Variants in FLT1 observed in about 807,000 individuals in gnomAD.
FLT1 encodes fms related receptor tyrosine kinase 1, also known as vascular endothelial growth factor receptor 1.
A neutral mutation model predicts 156.3 loss-of-function variants in FLT1; 49 were observed. The ratio of observed to expected loss-of-function variants is 0.31; its 90% confidence interval spans 0.25 to 0.40. The LOEUF (loss-of-function observed/expected upper bound fraction) is 0.40. Ranked by LOEUF, FLT1 falls within the 10% of genes least tolerant of loss-of-function variation. The pLI, the probability that FLT1 is intolerant of heterozygous loss-of-function variation, is 1.00. For synonymous variants in FLT1, 594 were observed against 583.8 expected (o/e 1.02, Z -0.25); for missense variants, 1,322 against 1,637.2 (o/e 0.81, Z 3.32).
At chr13:28,357,086 G>C (rs1872924157) in intron 15 of FLT1, among the ~76,000 whole-genome samples, 1 of 152,178 alleles carries the variant, frequency 6.6e-6, no homozygotes, top group Non-Finnish European at 1.5e-5. Context: ...TTAAAAGCCA[G>C]CTTATAAAAG....
At chr13:28,364,624 A>T (rs1873222591) in intron 14 of FLT1, among the ~76,000 whole-genome samples, 2 of 152,094 alleles carry the variant, frequency 1.3e-5, no homozygotes, top group African/African-American at 4.8e-5. Context: ...TGAAGTAAGG[A>T]CCTAATTTTT....
chr13:28,385,609 G>A (rs578052474), intron 13 of FLT1: 4 of 1,015,088 alleles, frequency 3.9e-6, no homozygotes, highest in East Asian at 1.4e-4. Context: ...CCAAATGCAA[G>A]CAACCAAAGA....
intron 10 of FLT1, among the ~76,000 whole-genome samples, chr13:28,420,792 T>G (rs924251853): frequency 6.6e-6 from 1 of 152,212 alleles, no homozygotes; most frequent in Non-Finnish European, 1.5e-5. Context: ...CCTGTTAATT[T>G]TACATACCCC....
intron 2 of FLT1, among the ~76,000 whole-genome samples, 189 bp downstream of exon 2, chr13:28,467,332 C>G (rs1161252693): frequency 6.6e-6 from 1 of 152,056 alleles, no homozygotes; most frequent in African/African-American, 2.4e-5. Flanking sequence ...CATCCCTTCC[C>G]CCATTTCCCT....
intron 3 of FLT1, among the ~76,000 whole-genome samples, chr13:28,460,992 T>C (rs1335058622): frequency 1.3e-5 from 2 of 152,156 alleles, no homozygotes; most frequent in Non-Finnish European, 2.9e-5. Flanking sequence ...AGACAGGGTT[T>C]CACTACGTTG....
chr13:28,487,727 G>T (rs1021679884), intron 1 of FLT1, among the ~76,000 whole-genome samples: 1 of 152,124 alleles, frequency 6.6e-6, no homozygotes, highest in Non-Finnish European at 1.5e-5. Context: ...AATTCTGCAG[G>T]ATACTTACCG....
At chr13:28,443,833 C>T (rs180852797) in intron 3 of FLT1, among the ~76,000 whole-genome samples, 1 of 152,300 alleles carries the variant, frequency 6.6e-6, no homozygotes, top group Non-Finnish European at 1.5e-5. Context: ...CCATGACTTA[C>T]ACTGCCTATC....
chr13:28,433,113 G>C (rs2137550386), intron 6 of FLT1, among the ~76,000 whole-genome samples: 1 of 152,306 alleles, frequency 6.6e-6, no homozygotes, highest in South Asian at 2.1e-4. Flanking sequence ...ACAAATGATT[G>C]TACTTGAGAT....
intron 10 of FLT1, among the ~76,000 whole-genome samples, chr13:28,412,264 T>C (rs1025188889): frequency 6.6e-6 from 1 of 152,210 alleles, no homozygotes; most frequent in Non-Finnish European, 1.5e-5. Context: ...ATTAACAGAA[T>C]CTGCAAACAC....
chr13:28,388,195 C>A, intron 13 of FLT1: 5 of 1,057,910 alleles, frequency 4.7e-6, no homozygotes, highest in Non-Finnish European at 5.7e-6. Flanking sequence ...GGGCTGACAA[C>A]TTCCAGGTTA....
intron 1 of FLT1, among the ~76,000 whole-genome samples, chr13:28,473,671 AAGAGAGAG>A (rs1227557664): frequency 2.3e-4 from 27 of 118,358 alleles, no homozygotes; most frequent in African/African-American, 9.8e-4. Flanking sequence ...GAAAGAAAGA[AAGAGAGAG>A]AGAGAGAGAG....
chr13:28,382,502 C>A (rs1481766717), intron 14 of FLT1, among the ~76,000 whole-genome samples: 1 of 152,090 alleles, frequency 6.6e-6, no homozygotes, highest in Non-Finnish European at 1.5e-5. Flanking sequence ...GAGTTGGAGC[C>A]GGTGGAAGAC....
At chr13:28,480,636 C>T (rs975513623) in intron 1 of FLT1, among the ~76,000 whole-genome samples, 2 of 152,234 alleles carry the variant, frequency 1.3e-5, no homozygotes, top group African/African-American at 4.8e-5. Context: ...TAAGCTTCAT[C>T]TTTCCTTTTA....
intron 14 of FLT1, among the ~76,000 whole-genome samples, chr13:28,374,483 G>GC (rs1873756989): frequency 6.6e-6 from 1 of 151,634 alleles, no homozygotes; most frequent in African/African-American, 2.4e-5. Flanking sequence ...CTAAAGTGAT[G>GC]CCCACATTTA....
chr13:28,388,487 T>G, intron 13 of FLT1: 1 of 1,038,632 alleles, frequency 9.6e-7, no homozygotes, highest in East Asian at 5.6e-5. Flanking sequence ...GCAAGTCACA[T>G]ATAATGATCA....
intron 15 of FLT1, among the ~76,000 whole-genome samples, chr13:28,357,169 C>T (rs184389526): frequency 2.6e-5 from 4 of 152,234 alleles, no homozygotes; most frequent in East Asian, 1.9e-4. Context: ...TTTAAGTGTG[C>T]GAGTTCCCCC....
chr13:28,406,829 T>G (rs1211091001), intron 10 of FLT1, among the ~76,000 whole-genome samples: 1 of 152,086 alleles, frequency 6.6e-6, no homozygotes, highest in Non-Finnish European at 1.5e-5. Flanking sequence ...AAATGAGTGG[T>G]TCATCTTTAG....
intron 13 of FLT1, 98 bp downstream of exon 13, chr13:28,389,698 C>T: frequency 6.3e-7 from 1 of 1,595,828 alleles, no homozygotes; most frequent in Non-Finnish European, 8.5e-7. Context: ...TTTAATGAGT[C>T]CTTTAATGTT....
intron 15 of FLT1, among the ~76,000 whole-genome samples, chr13:28,347,426 C>T (rs1168000731): frequency 6.6e-6 from 1 of 152,048 alleles, no homozygotes; most frequent in Non-Finnish European, 1.5e-5. Context: ...TAGTCTGAAG[C>T]AGGAGAATAG....
Sources: allele counts gnomAD v4.1 joint callset (sites outside exome capture counted in the v4.1 genomes callset), GRCh38; gene constraint gnomAD v4.1.1; transcripts MANE v1.5; gene names NCBI Gene and HGNC (gene_info 2026-07-23, HGNC 2026-07-21).